Variants in WNT5B observed in about 807,000 individuals in gnomAD.
WNT5B encodes protein Wnt-5b.
A neutral mutation model predicts 36.5 loss-of-function variants in WNT5B; 18 were observed. The observed-to-expected ratio is 0.49, with a 90% CI of 0.34 to 0.73. The LOEUF is 0.73. Among genes scored for constraint, WNT5B ranks in the 30% least tolerant of loss-of-function variants. The pLI is 0.01. For missense variants in WNT5B, 424 were observed against 508.4 expected (o/e 0.83, Z 1.60); for synonymous variants, 213 against 212.3 (o/e 1.00, Z -0.03).
chr12:1,646,402 A>G lies in WNT5B; in HGVS notation c.*150A>G. 1 of 670,124 alleles carries G rather than the reference A, an allele frequency of 1.5e-6. No individual in the cohort carries two copies. The highest frequency in any genetic ancestry group is 2.1e-6 in the Non-Finnish European group (1 of 472,388). The allele number at this position is 670,124 out of a possible 1,614,324, so 41.5% of individuals were successfully genotyped here. On this transcript the variant is annotated 3_prime_UTR_variant, in exon 5 of 5. Transcript: ENST00000397196. ...AAAATGGAAAGGAAGAGCTTATTTA[A>G]GAGACGCTGGAGATCTCTGAGGAGT...
At chr12:1,639,299 G>A (rs1252479973) in intron 3 of WNT5B, among the ~76,000 whole-genome samples, 14 of 151,548 alleles carry the variant, frequency 9.2e-5, no homozygotes, top group African/African-American at 2.9e-4. Flanking sequence ...CACCACGCCC[G>A]GCTAATTTTT....
intron 1 of WNT5B, among the ~76,000 whole-genome samples, chr12:1,623,485 G>A (rs1022994793): frequency 4.6e-5 from 7 of 152,094 alleles, no homozygotes; most frequent in East Asian, 1.9e-4. Flanking sequence ...TTGAGCCACC[G>A]CGCCCGGCCT....
intron 3 of WNT5B, among the ~76,000 whole-genome samples, chr12:1,634,600 T>C (rs1042701896): frequency 1.3e-5 from 2 of 152,146 alleles, no homozygotes; most frequent in Non-Finnish European, 2.9e-5. Context: ...AACCCTTCTG[T>C]TTGCCTAATT....
intron 4 of WNT5B, among the ~76,000 whole-genome samples, chr12:1,640,281 G>A (rs1435173479): frequency 6.6e-6 from 1 of 152,198 alleles, no homozygotes; most frequent in South Asian, 2.1e-4. Flanking sequence ...GTAAGGATTA[G>A]AGCAGCGCTC....
chr12:1,634,561 T>A (rs2094556963), intron 3 of WNT5B, among the ~76,000 whole-genome samples: 1 of 152,168 alleles, frequency 6.6e-6, no homozygotes, highest in Admixed American at 6.5e-5. Flanking sequence ...AGAGCCCATC[T>A]CTCTGTGCCC....
intron 3 of WNT5B, among the ~76,000 whole-genome samples, chr12:1,635,926 TG>T (rs1401322056): frequency 6.6e-6 from 1 of 152,196 alleles, no homozygotes; most frequent in Non-Finnish European, 1.5e-5. Flanking sequence ...TCACTCAGCA[TG>T]GTCTGTTTGT....
chr12:1,624,532 C>A (rs79228359), upstream of WNT5B, among the ~76,000 whole-genome samples: 21 of 152,216 alleles, frequency 1.4e-4, no homozygotes, highest in East Asian at 3.9e-3. Flanking sequence ...ATTTTAGTTT[C>A]CCTGTTTTCA....
intron 4 of WNT5B, among the ~76,000 whole-genome samples, chr12:1,643,495 A>G (rs1450883909): frequency 6.6e-6 from 1 of 151,944 alleles, no homozygotes; most frequent in Non-Finnish European, 1.5e-5. Context: ...CCTCCCTAGT[A>G]GCTGGGATTA....
rs115742896 is a variant in WNT5B, at chr12:1,631,165, A to G, written c.-57-133A>G. 2.1e-3 allele frequency: 1,569 copies of G among 752,796 alleles called. 21 individuals are homozygous for G. The African/African-American group carries it at 0.025, about 12-fold the overall frequency. The allele number at this position is 752,796 out of a possible 1,614,324, so 46.6% of individuals were successfully genotyped here. On this transcript the variant is annotated intron_variant, in intron 1 of 4. Coordinates refer to ENST00000397196, the MANE Select transcript of WNT5B (RefSeq NM_032642.3). ...TGAGCAGTGGGAGGCGGAGGCTGGA[A>G]AGAGGCCGAGCTTCTTTGTGGGGAA...
At chr12:1,624,242 C>T (rs147301178), upstream of WNT5B, among the ~76,000 whole-genome samples, 2 of 152,050 alleles carry the variant, frequency 1.3e-5, no homozygotes, top group Admixed American at 6.6e-5. Flanking sequence ...AAAAATTAGC[C>T]GGTCGTGGTG....
upstream of WNT5B, among the ~76,000 whole-genome samples, chr12:1,627,042 G>A (rs1274328621): frequency 6.6e-6 from 1 of 152,120 alleles, no homozygotes; most frequent in Non-Finnish European, 1.5e-5. The surrounding 1 kb of genome is among the most constrained non-coding windows in gnomAD (Gnocchi z 5.0). Context: ...AGCATATGAG[G>A]GAAAGAAACA....
At chr12:1,635,523 G>A (rs1018081068) in intron 3 of WNT5B, among the ~76,000 whole-genome samples, 2 of 152,204 alleles carry the variant, frequency 1.3e-5, no homozygotes, top group African/African-American at 4.8e-5. Flanking sequence ...TCTGGTGATT[G>A]GAGTCATTTG....
At chr12:1,635,629 G>A (rs868685900) in intron 3 of WNT5B, among the ~76,000 whole-genome samples, 1 of 152,234 alleles carries the variant, frequency 6.6e-6, no homozygotes, top group Non-Finnish European at 1.5e-5. Context: ...GTAGCTCGGG[G>A]CTGAAGCTTG....
intron 3 of WNT5B, among the ~76,000 whole-genome samples, chr12:1,638,571 C>G (rs2094566678): frequency 6.6e-6 from 1 of 152,144 alleles, no homozygotes; most frequent in Non-Finnish European, 1.5e-5. Context: ...GCTGAGTATT[C>G]TGAAACAGAC....
chr12:1,622,897 C>T (rs546960178), intron 1 of WNT5B, among the ~76,000 whole-genome samples: 2 of 152,276 alleles, frequency 1.3e-5, no homozygotes, highest in Admixed American at 1.3e-4. Context: ...CCTTCTTTGG[C>T]AGAGATGGTT....
At chr12:1,637,473 C>A (rs566489243) in intron 3 of WNT5B, among the ~76,000 whole-genome samples, 76 of 151,384 alleles carry the variant, frequency 5.0e-4, no homozygotes, top group African/African-American at 1.5e-3. Context: ...CGCGGTGGCT[C>A]ACGCCTGAAA....
chr12:1,623,273 A>G (rs540760598), intron 1 of WNT5B, among the ~76,000 whole-genome samples: 27 of 131,826 alleles, frequency 2.0e-4, no homozygotes, highest in African/African-American at 5.2e-4. Context: ...TCGGCTCACT[A>G]CAAGCTCCGT....
chr12:1,630,642 G>A lies in WNT5B; in HGVS notation c.-57-656G>A, dbSNP rs1286057465. Among the ~76,000 whole-genome samples the A allele has an allele frequency of 2.0e-5, 3 of 152,230 alleles. No individual in the cohort carries two copies. Among genetic ancestry groups the A allele is most frequent in the African/African-American group, 4.8e-5 (2 of 41,462 alleles). On this transcript the variant is annotated intron_variant, in intron 1 of 4. Transcript: ENST00000397196. This position sits in a 1 kb window ranked among gnomAD's most constrained non-coding sequence, Gnocchi z 5.3. ...GGGAGGCACCACCTCAGCCGCCAGA[G>A]CTTTCCGGGCGGGCGGTTCGCGGCG...
At position 1,632,918 on chromosome 12, in the gene WNT5B, T is replaced by C; in HGVS notation, c.328+13T>C. 1 of 1,595,874 alleles carries C rather than the reference T, an allele frequency of 6.3e-7. No individual in the cohort carries two copies. The highest frequency in any genetic ancestry group is 2.2e-5 in the East Asian group (1 of 44,450). ...GTCATGCAGATAGGTAAGAGGCCAT[T>C]ACAAGAGGGCTCGGCCAAGGAACTG... is the stretch of plus-strand genomic sequence containing the variant. On this transcript the variant is annotated intron_variant, in intron 3 of 4. Coordinates refer to ENST00000397196, the MANE Select transcript of WNT5B (RefSeq NM_032642.3). The surrounding 1 kb of genome is among the most constrained non-coding windows in gnomAD (Gnocchi z 5.8).
Sources: gnomAD v4.1 joint callset for allele counts (sites outside exome capture counted in the v4.1 genomes callset) on GRCh38, gnomAD v4.1.1 for gene constraint, Gnocchi (gnomAD v3.1) non-coding constraint, MANE v1.5 for transcripts, NCBI Gene and HGNC (gene_info 2026-07-23, HGNC 2026-07-21) for gene names.